SND1: variants seen among roughly 807,000 people sequenced by gnomAD.
The protein encoded by SND1 is staphylococcal nuclease domain-containing protein 1.
In SND1, 38 loss-of-function variants were observed where a neutral mutation model predicts 121.7. The observed-to-expected ratio is 0.31, with a 90% confidence interval of 0.24 to 0.41. The LOEUF (loss-of-function observed/expected upper bound fraction) is 0.41. Among genes scored for constraint, SND1 ranks in the 10% least tolerant of loss-of-function variants. The pLI, the probability that SND1 is intolerant of heterozygous loss-of-function variation, is 1.00. For synonymous variants in SND1, 401 were observed against 447.4 expected (o/e 0.90, Z 1.31); for missense variants, 868 against 1,184.6 (o/e 0.73, Z 3.92).
chr7:127,940,522 A>G (rs1801170706), intron 15 of SND1, among the ~76,000 whole-genome samples: 1 of 152,152 alleles, frequency 6.6e-6, no homozygotes, highest in Admixed American at 6.5e-5. Flanking sequence ...AAATCTGGTA[A>G]TGGGCAGCGC....
chr7:127,933,449 A>G (rs893706771), intron 15 of SND1, among the ~76,000 whole-genome samples: 42 of 152,162 alleles, frequency 2.8e-4, no homozygotes, highest in Admixed American at 2.3e-3. Flanking sequence ...TTCTTCAGAA[A>G]CCTGGCAAGA....
intron 1 of SND1, among the ~76,000 whole-genome samples, chr7:127,676,724 T>C (rs778447087): frequency 2.0e-5 from 3 of 152,192 alleles, no homozygotes; most frequent in Non-Finnish European, 4.4e-5. Context: ...AGAGAATTTC[T>C]GTGACTTTGA....
chr7:127,844,392 G>A lies in SND1; in HGVS notation c.1311G>A (p.Glu437=). Residue 437 remains glutamate (E), a synonymous_variant, in exon 12 of 24, where the codon GAG becomes GAA. Transcript: ENST00000354725. ...PATETVPAFS[E]RTCATVTIGG... ...CAGAGACAGTGCCTGCCTTTTCAGA[G>A]CGTACCTGTGCCACTGTCACCATTG... 6.2e-7 allele frequency: 1 copy of A among 1,613,546 alleles called. No individual in the cohort carries two copies. The highest frequency in any genetic ancestry group is 8.5e-7 in the Non-Finnish European group (1 of 1,179,712).
chr7:127,672,244 A>G (rs1486260092), intron 1 of SND1, among the ~76,000 whole-genome samples: 1 of 152,126 alleles, frequency 6.6e-6, no homozygotes, highest in Non-Finnish European at 1.5e-5. Flanking sequence ...TAATACTTCT[A>G]ACTATTGTCT....
At chr7:127,781,084 T>C (rs1377127767) in intron 10 of SND1, among the ~76,000 whole-genome samples, 1 of 152,136 alleles carries the variant, frequency 6.6e-6, no homozygotes, top group Admixed American at 6.5e-5. Flanking sequence ...TTCTGCTCAA[T>C]GTGAAGAAAA....
intron 15 of SND1, among the ~76,000 whole-genome samples, chr7:127,931,480 C>A (rs1800955254): frequency 6.6e-6 from 1 of 152,174 alleles, no homozygotes; most frequent in Non-Finnish European, 1.5e-5. Flanking sequence ...CATAAAAGTA[C>A]AGGGTGAAGC....
intron 16 of SND1, among the ~76,000 whole-genome samples, chr7:128,050,984 G>C (rs756824276): frequency 6.6e-6 from 1 of 152,226 alleles, no homozygotes; most frequent in Non-Finnish European, 1.5e-5. Context: ...GCCCATGCGA[G>C]TGGCAGTAGC....
At chr7:128,046,069 G>A (rs1271275733) in intron 16 of SND1, among the ~76,000 whole-genome samples, 2 of 152,152 alleles carry the variant, frequency 1.3e-5, no homozygotes, top group Non-Finnish European at 2.9e-5. Flanking sequence ...TGAGACTAGG[G>A]ATTTGGAGGA....
intron 1 of SND1, among the ~76,000 whole-genome samples, chr7:127,658,916 C>A (rs1165467091): frequency 6.6e-6 from 1 of 152,238 alleles, no homozygotes; most frequent in Admixed American, 6.5e-5. Context: ...CCACTCACTT[C>A]TCAGCATAGG....
chr7:128,056,384 A>G (rs914324681), intron 16 of SND1, among the ~76,000 whole-genome samples: 6 of 152,248 alleles, frequency 3.9e-5, no homozygotes, highest in Non-Finnish European at 7.3e-5. Context: ...CATTTGGATC[A>G]GTAACAAAAG....
chr7:128,004,913 T>G (rs1584731998), intron 16 of SND1, among the ~76,000 whole-genome samples: 1 of 152,212 alleles, frequency 6.6e-6, no homozygotes, highest in Non-Finnish European at 1.5e-5. Context: ...CCAGAGTGTT[T>G]AAAAGGACAG....
chr7:127,831,401 TCA>T (rs1798736274), intron 11 of SND1, among the ~76,000 whole-genome samples: 1 of 152,202 alleles, frequency 6.6e-6, no homozygotes, highest in African/African-American at 2.4e-5. Flanking sequence ...TTGTCAGTGA[TCA>T]GCATGCCAAA....
chr7:128,022,861 TG>T (rs1803390213), intron 16 of SND1, among the ~76,000 whole-genome samples: 1 of 152,086 alleles, frequency 6.6e-6, no homozygotes, highest in African/African-American at 2.4e-5. Context: ...AGGACTGTTG[TG>T]GGTAGGTGGT....
intron 10 of SND1, among the ~76,000 whole-genome samples, chr7:127,758,099 A>C (rs1797232195): frequency 6.6e-6 from 1 of 152,238 alleles, no homozygotes; most frequent in Admixed American, 6.5e-5. Flanking sequence ...GAGAAAGTTA[A>C]ATTAATGTTA....
At chr7:127,890,639 A>C (rs1014809692) in intron 13 of SND1, among the ~76,000 whole-genome samples, 11 of 152,290 alleles carry the variant, frequency 7.2e-5, no homozygotes. Flanking sequence ...AATAATTTGC[A>C]GGGCTGCTCT....
intron 16 of SND1, among the ~76,000 whole-genome samples, chr7:128,047,982 G>C (rs189123726): frequency 6.6e-6 from 1 of 152,042 alleles, no homozygotes; most frequent in African/African-American, 2.4e-5. Context: ...CGAGTAGCTG[G>C]GACTACAGGC....
chr7:128,047,171 T>A (rs1284237369), intron 16 of SND1, among the ~76,000 whole-genome samples: 2 of 152,218 alleles, frequency 1.3e-5, no homozygotes, highest in Non-Finnish European at 2.9e-5. Flanking sequence ...AAATGACTTA[T>A]ACCAGTCAGC....
At chr7:127,684,024 T>A (rs778981376) in intron 1 of SND1, among the ~76,000 whole-genome samples, 31 of 152,158 alleles carry the variant, frequency 2.0e-4, no homozygotes, top group Non-Finnish European at 3.8e-4. Flanking sequence ...TAGTTGTAGA[T>A]CCATTGTCCC....
chr7:127,792,313 T>C (rs1797924177), intron 10 of SND1, among the ~76,000 whole-genome samples: 1 of 152,146 alleles, frequency 6.6e-6, no homozygotes, highest in Non-Finnish European at 1.5e-5. Context: ...ATTTTCTCTG[T>C]AGAGTGTTGT....
Sources: gnomAD v4.1 joint callset for allele counts (sites outside exome capture counted in the v4.1 genomes callset) on GRCh38, gnomAD v4.1.1 for gene constraint, MANE v1.5 for transcripts, NCBI Gene and HGNC (gene_info 2026-07-23, HGNC 2026-07-21) for gene names.